CFAP61: variants seen among roughly 807,000 people sequenced by gnomAD.
The protein encoded by CFAP61 is cilia and flagella associated protein 61, also known as cilia- and flagella-associated protein 61.
A neutral mutation model predicts 135.6 loss-of-function variants in CFAP61; 107 were observed. The observed-to-expected ratio is 0.79, with a 90% CI of 0.67 to 0.93. The LOEUF is 0.93. Among genes scored for constraint, CFAP61 ranks in the 40% least tolerant of loss-of-function variants. CFAP61 has a pLI of 0.00. For synonymous variants in CFAP61, 575 were observed against 578.5 expected (o/e 0.99, Z 0.09); for missense variants, 1,507 against 1,556.2 (o/e 0.97, Z 0.53).
chr20:20,069,191 C>G (rs1279305682), intron 2 of CFAP61, among the ~76,000 whole-genome samples: 4 of 152,206 alleles, frequency 2.6e-5, no homozygotes, highest in Admixed American at 2.6e-4. Flanking sequence ...GTTTGGTGAA[C>G]TGCTCTTGTA....
intron 25 of CFAP61, among the ~76,000 whole-genome samples, chr20:20,339,476 A>T (rs2058355938): frequency 6.6e-6 from 1 of 151,906 alleles, no homozygotes; most frequent in Non-Finnish European, 1.5e-5. Context: ...TTTTTTAGAG[A>T]CAGGGTTTCA....
intron 17 of CFAP61, chr20:20,200,674 T>C: frequency 2.0e-6 from 2 of 985,030 alleles, no homozygotes; most frequent in Non-Finnish European, 2.4e-6. Context: ...ACATTTGTCC[T>C]TTGTGAGACA....
At chr20:20,310,636 C>A (rs763429664) in intron 25 of CFAP61, among the ~76,000 whole-genome samples, 15 of 152,152 alleles carry the variant, frequency 9.9e-5, no homozygotes, top group Non-Finnish European at 2.2e-4. Flanking sequence ...CTGCCTTCCA[C>A]GAAAAATTCA....
chr20:20,171,843 A>G, intron 13 of CFAP61: 1 of 687,310 alleles, frequency 1.5e-6, no homozygotes, highest in South Asian at 1.6e-5. Flanking sequence ...TGTGGCATGC[A>G]AGAGTTTCAG....
At chr20:20,303,106 C>T (rs1193743210) in intron 25 of CFAP61, among the ~76,000 whole-genome samples, 1 of 152,098 alleles carries the variant, frequency 6.6e-6, no homozygotes, top group Non-Finnish European at 1.5e-5. Context: ...CAACCTTACC[C>T]AAAATATTTG....
intron 17 of CFAP61, among the ~76,000 whole-genome samples, chr20:20,226,525 T>G (rs1337229326): frequency 6.6e-6 from 1 of 152,220 alleles, no homozygotes; most frequent in African/African-American, 2.4e-5. Context: ...TGATATGTAT[T>G]GCTTATATAA....
Position 20,341,811 on chromosome 20 carries a change from G to A in CFAP61, c.3423-20G>A, listed in dbSNP as rs755447260. ...AATGAGAGGGTTGCCAGCTCACTGA[G>A]TCTCTTCTTTCCTTACCAGCTACTT... On this transcript the variant is annotated intron_variant, in intron 25 of 26. Transcript: ENST00000245957. The A allele has an allele frequency of 2.8e-5, 45 of 1,590,810 alleles. 1 individual carries two copies. The South Asian group carries it at 4.0e-4, about 14-fold the overall frequency.
chr20:20,093,709 G>C (rs2047369526), intron 7 of CFAP61, among the ~76,000 whole-genome samples: 1 of 152,146 alleles, frequency 6.6e-6, no homozygotes, highest in Admixed American at 6.5e-5. Flanking sequence ...ACAGGTGTGA[G>C]CCACTGCACC....
intron 11 of CFAP61, among the ~76,000 whole-genome samples, chr20:20,165,752 G>A (rs2053778230): frequency 6.6e-6 from 1 of 152,106 alleles, no homozygotes; most frequent in African/African-American, 2.4e-5. Flanking sequence ...GTTTAAACAT[G>A]TTCCCAGTCT....
intron 9 of CFAP61, among the ~76,000 whole-genome samples, chr20:20,152,841 C>G (rs2424289): frequency 0.9 from 137,259 of 152,188 alleles, 62,712 homozygotes; most frequent in Middle Eastern, 0.99. Context: ...AAAAAAAATG[C>G]ACTTAAACTA....
intron 14 of CFAP61, among the ~76,000 whole-genome samples, chr20:20,189,619 C>T (rs1005512596): frequency 6.6e-6 from 1 of 152,132 alleles, no homozygotes; most frequent in Non-Finnish European, 1.5e-5. Flanking sequence ...GAGCAAACCA[C>T]AGTGGAATAT....
chr20:20,280,329 T>C (rs777294497), intron 22 of CFAP61, among the ~76,000 whole-genome samples: 1 of 152,178 alleles, frequency 6.6e-6, no homozygotes, highest in African/African-American at 2.4e-5. Flanking sequence ...AGGGAAGCCT[T>C]CTTCCCTAGA....
chr20:20,250,979 T>TG (rs1302125230), intron 19 of CFAP61, among the ~76,000 whole-genome samples: 2 of 152,236 alleles, frequency 1.3e-5, no homozygotes, highest in African/African-American at 2.4e-5. Flanking sequence ...ACCTCTGCCC[T>TG]GAAGGGTGAA....
chr20:20,162,309 A>G (rs550500536), intron 10 of CFAP61, among the ~76,000 whole-genome samples: 4 of 152,196 alleles, frequency 2.6e-5, no homozygotes, highest in Non-Finnish European at 4.4e-5. Context: ...GCCCTGAAAG[A>G]TAACATATTT....
intron 15 of CFAP61, among the ~76,000 whole-genome samples, chr20:20,194,913 G>T (rs1394700322): frequency 6.6e-6 from 1 of 152,096 alleles, no homozygotes; most frequent in African/African-American, 2.4e-5. Flanking sequence ...AAGGGATTTG[G>T]GATGGGAAGA....
rs547577324 is a variant in CFAP61, at chr20:20,074,556, T to A, written c.371+178T>A. Among the ~76,000 whole-genome samples, 5 of 152,356 alleles carry A rather than the reference T, an allele frequency of 3.3e-5. No homozygotes were observed. In the South Asian group the frequency reaches 6.2e-4, roughly 19 times the overall value. Reference sequence around the variant, plus strand: ...TTCTGAAAGGAGATAGTTCTTTGAATCTATTGTCCATTCTGCACGCTGTTA... The same window carrying A: ...TTCTGAAAGGAGATAGTTCTTTGAAACTATTGTCCATTCTGCACGCTGTTA... On this transcript the variant is annotated intron_variant, in intron 4 of 26. Transcript: ENST00000245957.
At chr20:20,271,186 C>T (rs1481016814) in intron 21 of CFAP61, among the ~76,000 whole-genome samples, 1 of 152,102 alleles carries the variant, frequency 6.6e-6, no homozygotes, top group Non-Finnish European at 1.5e-5. Context: ...GTCCCAACTA[C>T]TCAAGAGGCT....
intron 17 of CFAP61, among the ~76,000 whole-genome samples, chr20:20,212,293 C>G (rs2047705384): frequency 6.6e-6 from 1 of 152,054 alleles, no homozygotes; most frequent in Admixed American, 6.5e-5. Flanking sequence ...TCTCTCTGTC[C>G]CTCTCTCCCT....
At chr20:20,089,386 TTATA>T (rs11473166) in intron 6 of CFAP61, among the ~76,000 whole-genome samples, 1 of 148,148 alleles carries the variant, frequency 6.8e-6, no homozygotes, top group African/African-American at 2.5e-5. Context: ...GCCCTGAGCT[TTATA>T]TATATATATA....
Sources: gnomAD v4.1 joint callset for allele counts (sites outside exome capture counted in the v4.1 genomes callset) on GRCh38, gnomAD v4.1.1 for gene constraint, MANE v1.5 for transcripts, NCBI Gene and HGNC (gene_info 2026-07-23, HGNC 2026-07-21) for gene names.